ACMSD: variants seen among roughly 807,000 people sequenced by gnomAD.
The protein encoded by ACMSD is 2-amino-3-carboxymuconate-6-semialdehyde decarboxylase.
In ACMSD, 37 loss-of-function variants were observed where a neutral mutation model predicts 45.9. That is an observed-to-expected ratio of 0.81 (90% CI 0.62 to 1.06). The LOEUF is 1.06. Ranked by LOEUF, ACMSD falls within the 50% of genes least tolerant of loss-of-function variation. ACMSD has a pLI of 0.00. For synonymous variants in ACMSD, 138 were observed against 148.8 expected (o/e 0.93, Z 0.53); for missense variants, 434 against 420.9 (o/e 1.03, Z -0.27).
intron 3 of ACMSD, among the ~76,000 whole-genome samples, chr2:134,860,544 C>G (rs1234054070): frequency 6.6e-6 from 1 of 152,116 alleles, no homozygotes; most frequent in Non-Finnish European, 1.5e-5. Flanking sequence ...GCACTACCAC[C>G]TTCCTAATCA....
chr2:134,842,164 C>T (rs1530556), intron 1 of ACMSD, among the ~76,000 whole-genome samples: 76,294 of 151,602 alleles, frequency 0.5, 20,026 homozygotes, highest in Middle Eastern at 0.82. Flanking sequence ...ATTGTAGATG[C>T]TTCCCGGCAT....
At position 134,872,589 on chromosome 2, in the gene ACMSD, C is replaced by T. The variant is rs947117966; in HGVS notation, c.797C>T (p.Ala266Val). The T allele has an allele frequency of 3.1e-6, 5 of 1,614,046 alleles. No homozygotes were observed. In the African/African-American group the frequency reaches 4.0e-5, roughly 13 times the overall value. Residue 266 changes from alanine (A) to valine (V), a missense_variant, in exon 8 of 10, where the codon GCT (alanine) becomes GTT (valine). Ala to Val is a moderately conservative substitution (Grantham distance 64). Coordinates refer to ENST00000356140, the MANE Select transcript of ACMSD (RefSeq NM_138326.3). Reference protein sequence around the residue: ...KKYLGSFYTDALVHDPLSLKL... With the variant: ...KKYLGSFYTDVLVHDPLSLKL... ...TACCTTGGTTCCTTTTACACAGATG[C>T]TTTGGTTCATGATCCTCTGTCCCTC...
At chr2:134,877,045 T>C (rs1442260658) in intron 8 of ACMSD, among the ~76,000 whole-genome samples, 2 of 152,218 alleles carry the variant, frequency 1.3e-5, no homozygotes. Flanking sequence ...AGTGCTGTGA[T>C]TACAGGCATG....
intron 6 of ACMSD, among the ~76,000 whole-genome samples, chr2:134,870,058 A>T (rs1421315526): frequency 1.3e-5 from 2 of 152,228 alleles, no homozygotes; most frequent in African/African-American, 2.4e-5. Flanking sequence ...AGCAGTGACC[A>T]GCCCCGGGCA....
intron 8 of ACMSD, chr2:134,872,926 C>T (rs1235153701): frequency 5.4e-6 from 2 of 371,242 alleles, no homozygotes; most frequent in South Asian, 3.9e-5. Flanking sequence ...TCTTCCTTAG[C>T]GACATCCCTA....
chr2:134,873,614 A>C (rs990199980), intron 8 of ACMSD: 2 of 152,228 alleles, frequency 1.3e-5, no homozygotes, highest in Non-Finnish European at 2.9e-5. Flanking sequence ...TTATCTCCAG[A>C]ATGGACACTT....
chr2:134,897,722 A>G (rs563107857), intron 8 of ACMSD, among the ~76,000 whole-genome samples: 38 of 152,124 alleles, frequency 2.5e-4, no homozygotes, highest in Non-Finnish European at 4.6e-4. Context: ...AGTGCTTAAT[A>G]TATTTGTAGA....
At chr2:134,868,649 C>T (rs1688256391) in intron 6 of ACMSD, among the ~76,000 whole-genome samples, 1 of 151,912 alleles carries the variant, frequency 6.6e-6, no homozygotes, top group Admixed American at 6.6e-5. Context: ...AACAGGGTTT[C>T]ACCATGTTGG....
In ACMSD at chr2:134,838,656, C is replaced by A; in HGVS notation, c.-27C>A. 1 of 1,597,824 alleles carries A rather than the reference C, an allele frequency of 6.3e-7. No homozygotes were observed. Among genetic ancestry groups the A allele is most frequent in the Non-Finnish European group, 8.5e-7 (1 of 1,169,946 alleles). On this transcript the variant is annotated 5_prime_UTR_variant, in exon 1 of 10. Transcript: ENST00000356140. ...GTCTCTTGATATCAAAACTTCTTTC[C>A]TTGCATGCTTCTCTGATCCTGTGGA...
intron 1 of ACMSD, among the ~76,000 whole-genome samples, chr2:134,840,178 A>ACAAAAAAAAAAC (rs1686724008): frequency 7.1e-6 from 1 of 141,776 alleles, no homozygotes; most frequent in South Asian, 2.4e-4. Flanking sequence ...AAAAAAAAAA[A>ACAAAAAAAAAAC]AAAAAAAAAA....
Position 134,861,841 on chromosome 2 carries a change from G to A in ACMSD, c.200-128G>A, listed in dbSNP as rs571337005. 6 of 951,114 alleles carry A rather than the reference G, an allele frequency of 6.3e-6. No homozygotes were observed. The African/African-American group carries it at 9.6e-5, about 15-fold the overall frequency. 58.9% of individuals were successfully genotyped at this position (951,114 alleles called of 1,614,324 possible). ...GAGGGGGGTCCAGGGAGAGGACTGA[G>A]AGGGACGCAGGGAGGGAGAGCAGGA... On this transcript the variant is annotated intron_variant, in intron 3 of 9. Coordinates refer to ENST00000356140, the MANE Select transcript of ACMSD (RefSeq NM_138326.3).
chr2:134,861,877 G>A, intron 3 of ACMSD, 92 bp from the exon 4 acceptor site: 2 of 1,395,560 alleles, frequency 1.4e-6, no homozygotes, highest in South Asian at 2.3e-5. Context: ...GGAGTTTAGG[G>A]TGGAGGCTTG....
At chr2:134,853,649 AG>A (rs1687450961) in intron 2 of ACMSD, among the ~76,000 whole-genome samples, 2 of 151,462 alleles carry the variant, frequency 1.3e-5, no homozygotes, top group Non-Finnish European at 2.9e-5. Context: ...GTAAAGCGAC[AG>A]AGATCAGGGA....
At chr2:134,867,385 C>T (rs1688149567) in intron 5 of ACMSD, 194 bp from the exon 6 acceptor site, 2 of 388,748 alleles carry the variant, frequency 5.1e-6, no homozygotes, top group Non-Finnish European at 9.1e-6. Context: ...TTCCAAGTGT[C>T]CCTTTTATTT....
chr2:134,841,439 G>T (rs1893396), intron 1 of ACMSD, among the ~76,000 whole-genome samples: 91,582 of 151,962 alleles, frequency 0.6, 29,619 homozygotes, highest in Middle Eastern at 0.91. Context: ...GATAATGGAC[G>T]GGGATTTGAG....
In ACMSD at chr2:134,867,589, G is replaced by A. The variant is rs1374132230; in HGVS notation, c.497G>A (p.Arg166Lys). 6.2e-6 allele frequency: 10 copies of A among 1,613,756 alleles called. No individual in the cohort carries two copies. Among genetic ancestry groups the A allele is most frequent in the South Asian group, 1.1e-5 (1 of 91,000 alleles). ...ATTGCTTCTTTGAAGGCAGCCGAAA[G>A]GCTGAAGTGTTCCCTGTTCGTGCAT... ...ELFPVYAAAE[R>K]LKCSLFVHPW... The change falls in exon 6 of 10, where the codon AGG (arginine) becomes AAG (lysine). Residue 166 changes from arginine to lysine, a missense_variant. Coordinates refer to ENST00000356140, the MANE Select transcript of ACMSD (RefSeq NM_138326.3).
chr2:134,881,180 TAG>T (rs1689016719), intron 8 of ACMSD, among the ~76,000 whole-genome samples: 1 of 152,226 alleles, frequency 6.6e-6, no homozygotes, highest in African/African-American at 2.4e-5. Context: ...TTTGCATTTT[TAG>T]TAGAGACATG....
intron 2 of ACMSD, among the ~76,000 whole-genome samples, chr2:134,847,900 G>T (rs1687154212): frequency 6.7e-6 from 1 of 150,094 alleles, no homozygotes; most frequent in Non-Finnish European, 1.5e-5. Flanking sequence ...CACACAGGCT[G>T]GAGTGCAATG....
In ACMSD at chr2:134,871,016, T is replaced by C; in HGVS notation, c.632T>C (p.Val211Ala). 6.2e-7 allele frequency: 1 copy of C among 1,614,028 alleles called. No homozygotes were observed. Among genetic ancestry groups the C allele is most frequent in the Admixed American group, 1.7e-5 (1 of 59,998 alleles). Residue 211 changes from valine to alanine, a missense_variant, in exon 7 of 10, where the codon GTA (valine) becomes GCA (alanine). Val to Ala is a moderately conservative substitution (Grantham distance 64). Transcript: ENST00000356140. ...IAICSMIMGG[V>A]FEKFPKLKVC... ...ATTTGCTCCATGATCATGGGTGGAG[T>C]ATTTGAGAAGTTTCCCAAACTGAAA...
Sources: gnomAD v4.1 joint callset for allele counts (sites outside exome capture counted in the v4.1 genomes callset) on GRCh38, gnomAD v4.1.1 for gene constraint, MANE v1.5 for transcripts, NCBI Gene and HGNC (gene_info 2026-07-23, HGNC 2026-07-21) for gene names.